The following BMP1 variants were observed in gnomAD, a reference collection of about 807,000 sequenced individuals.
BMP1 encodes bone morphogenetic protein 1.
BMP1 carries 63 observed loss-of-function variants against 116.8 expected under a neutral mutation model. The ratio of observed to expected loss-of-function variants is 0.54; its 90% CI spans 0.44 to 0.67. The LOEUF is 0.67. Among genes scored for constraint, BMP1 ranks in the 30% least tolerant of loss-of-function variants. The pLI is 0.00. For missense variants in BMP1, 1,183 were observed against 1,358.9 expected (o/e 0.87, Z 2.04); for synonymous variants, 536 against 533.4 (o/e 1.00, Z -0.07).
chr8:22,206,748 A>G (rs1829364211), intron 16 of BMP1, 106 bp from the exon 17 acceptor site: 2 of 1,504,752 alleles, frequency 1.3e-6, no homozygotes, highest in Admixed American at 1.8e-5. Flanking sequence ...AAGTGGGACA[A>G]GAGATGGAAG....
chr8:22,180,507 G>T, intron 8 of BMP1, 24 bp downstream of exon 8: 1 of 1,603,702 alleles, frequency 6.2e-7, no homozygotes, highest in Non-Finnish European at 8.5e-7. Context: ...CAGCCTCTGA[G>T]CCTCCCCCTC....
intron 16 of BMP1, among the ~76,000 whole-genome samples, chr8:22,204,475 C>A (rs1343492618): frequency 6.6e-6 from 1 of 152,224 alleles, no homozygotes; most frequent in Non-Finnish European, 1.5e-5. Flanking sequence ...GTAATCCCAG[C>A]ACTTTGGGAA....
intron 16 of BMP1, among the ~76,000 whole-genome samples, chr8:22,205,373 A>AG (rs1393018348): frequency 6.6e-6 from 1 of 152,174 alleles, no homozygotes; most frequent in African/African-American, 2.4e-5. Context: ...AGGGCCACGC[A>AG]GGGTGCAGAG....
At chr8:22,177,433 C>A in intron 5 of BMP1, 2 of 679,010 alleles carry the variant, frequency 2.9e-6, no homozygotes, top group South Asian at 3.2e-5. Context: ...AGTGGGCCGT[C>A]CTGGGGACTG....
chr8:22,201,115 C>T, intron 15 of BMP1: 2 of 1,495,940 alleles, frequency 1.3e-6, no homozygotes, highest in African/African-American at 1.4e-5. Context: ...TCTCTCGTTT[C>T]AGAAAAGAGG....
chr8:22,174,004 G>A (rs891512293), intron 2 of BMP1, among the ~76,000 whole-genome samples: 1 of 152,210 alleles, frequency 6.6e-6, no homozygotes, highest in Admixed American at 6.5e-5. Flanking sequence ...TAAAGGTGGT[G>A]TCAGGACAAC....
rs1397890420 is a variant in BMP1 at position 22,211,609 on chromosome 8, T to C, written c.2842T>C (p.Tyr948His). 1 of 1,614,140 alleles carries C rather than the reference T, an allele frequency of 6.2e-7. No homozygotes were observed. Among genetic ancestry groups the C allele is most frequent in the Admixed American group, 1.7e-5 (1 of 60,026 alleles). ...TCTCTGCCAGCCTCCTGAGGAGGTG[T>C]ACTCGGCGGGAGATTCTGTCCTGGT... is the stretch of plus-strand genomic sequence containing the variant. ...YCGSGPPEEVYSAGDSVLVKF... is the reference protein window; with the variant it reads ...YCGSGPPEEVHSAGDSVLVKF... Residue 948 changes from tyrosine (Y) to histidine (H), a missense_variant, in exon 20 of 20, where the codon TAC becomes CAC. By Grantham distance (83) the Tyr-to-His change is moderately conservative (BLOSUM62 2). Transcript: ENST00000306385.
intron 8 of BMP1, 81 bp from the exon 9 acceptor site, chr8:22,191,968 G>T (rs1315661581): frequency 2.1e-5 from 27 of 1,302,046 alleles, no homozygotes; most frequent in Non-Finnish European, 3.0e-5. Flanking sequence ...GCGTAAGGCG[G>T]GCGGTGGTCA....
chr8:22,207,526 C>T lies in BMP1; in HGVS notation c.2575+10C>T, dbSNP rs781134133. On this transcript the variant is annotated intron_variant, in intron 18 of 19. Coordinates refer to ENST00000306385, the MANE Select transcript of BMP1 (RefSeq NM_006129.5). ...GCCTCCCACGCCACAGGTACTGTCC[C>T]CGGTTGTGGGAGTGTTCACTGAGCC... The T allele has an allele frequency of 6.2e-7, 1 of 1,611,794 alleles. No individual in the cohort carries two copies. Among genetic ancestry groups the T allele is most frequent in the South Asian group, 1.1e-5 (1 of 91,042 alleles).
At chr8:22,206,393 T>C (rs1215636365) in intron 16 of BMP1, among the ~76,000 whole-genome samples, 1 of 150,814 alleles carries the variant, frequency 6.6e-6, no homozygotes, top group Non-Finnish European at 1.5e-5. Flanking sequence ...TCCAAGATAC[T>C]GAGGAGGCTA....
At chr8:22,204,354 T>C (rs1586471654) in intron 16 of BMP1, among the ~76,000 whole-genome samples, 1 of 152,158 alleles carries the variant, frequency 6.6e-6, no homozygotes, top group Non-Finnish European at 1.5e-5. Context: ...CCACCAGTCA[T>C]AGTGCCTGGC....
At position 22,201,517 on chromosome 8, in the gene BMP1, C is replaced by T. The variant is rs911213125; in HGVS notation, c.2108-286C>T. 3.6e-6 allele frequency: 5 copies of T among 1,402,074 alleles called. No individual in the cohort carries two copies. In the East Asian group the frequency reaches 1.1e-4, roughly 31 times the overall value. 86.9% of individuals were successfully genotyped at this position (1,402,074 alleles called of 1,614,324 possible). A position where few individuals can be genotyped will look rare whatever the true frequency, so the allele number is the denominator to read the frequency against. ...TCCATGTGTCTATTTTTCCACTTGT[C>T]CATCTGTCCAGTAAGCAGGTAATGG... On this transcript the variant is annotated intron_variant, in intron 15 of 19. Transcript: ENST00000306385.
At chr8:22,202,936 G>A (rs965335995) in intron 16 of BMP1, among the ~76,000 whole-genome samples, 3 of 150,562 alleles carry the variant, frequency 2.0e-5, no homozygotes, top group African/African-American at 7.4e-5. Flanking sequence ...CCTGAGTCTG[G>A]GGAGGCTGAG....
chr8:22,201,579 C>A, intron 15 of BMP1: 1 of 1,393,514 alleles, frequency 7.2e-7, no homozygotes, highest in Non-Finnish European at 9.4e-7. Flanking sequence ...CCATCCTCCT[C>A]TCCCCACAGC....
chr8:22,179,626 G>A lies in BMP1; in HGVS notation c.837-79G>A. 6.2e-7 allele frequency: 1 copy of A among 1,602,790 alleles called. No individual in the cohort carries two copies. The highest frequency in any genetic ancestry group is 1.1e-5 in the South Asian group (1 of 90,202). ...GAGCTCCAGCAGGGTCGTGACTTGT[G>A]GGTACAGATGGGCATGCCACCCACT... On this transcript the variant is annotated intron_variant, in intron 6 of 19. Coordinates refer to ENST00000306385, the MANE Select transcript of BMP1 (RefSeq NM_006129.5). The surrounding 1 kb of genome is among the most constrained non-coding windows in gnomAD (Gnocchi z 4.6).
intron 1 of BMP1, among the ~76,000 whole-genome samples, chr8:22,172,048 G>T (rs955640532): frequency 6.6e-6 from 1 of 152,210 alleles, no homozygotes; most frequent in Non-Finnish European, 1.5e-5. Flanking sequence ...GTCTGATTCT[G>T]TATGTGATGA....
At chr8:22,184,703 A>G (rs1240202147) in intron 8 of BMP1, among the ~76,000 whole-genome samples, 1 of 152,098 alleles carries the variant, frequency 6.6e-6, no homozygotes, top group Non-Finnish European at 1.5e-5. Context: ...CACTTTTACA[A>G]CCTAGGTACC....
Position 22,177,104 on chromosome 8 carries a change from G to C in BMP1, c.695G>C (p.Arg232Pro). ...WHEHTRPDRD[R>P]HVSIVRENIQ... ...GAACACACTCGGCCAGACCGGGACC[G>C]CCACGTTTCCATCGTTCGTGAGAAC... The change falls in exon 5 of 20, where the codon CGC becomes CCC. Residue 232 changes from arginine (R) to proline (P), a missense_variant. Arg to Pro is a moderately radical substitution (Grantham distance 103). Around this residue, in one of 4 missense-constraint regions of BMP1, gnomAD observed 956 missense variants for 1,135.2 expected, o/e 0.84. Transcript: ENST00000306385. The C allele has an allele frequency of 6.2e-7, 1 of 1,610,652 alleles. No homozygotes were observed. The highest frequency in any genetic ancestry group is 2.2e-5 in the East Asian group (1 of 44,774).
chr8:22,198,146 C>T (rs1053435078), intron 15 of BMP1, among the ~76,000 whole-genome samples: 3 of 152,190 alleles, frequency 2.0e-5, no homozygotes, highest in Non-Finnish European at 4.4e-5. Flanking sequence ...GATCTCGTCA[C>T]TCACTCCAGA....
Sources: allele counts gnomAD v4.1 joint callset (sites outside exome capture counted in the v4.1 genomes callset), GRCh38; gene constraint gnomAD v4.1.1; regional missense constraint gnomAD v4.1.1; non-coding constraint Gnocchi (gnomAD v3.1); transcripts MANE v1.5; gene names NCBI Gene and HGNC (gene_info 2026-07-23, HGNC 2026-07-21).